The following NAV3 variants were observed in gnomAD, a reference collection of about 807,000 sequenced individuals.
NAV3 encodes neuron navigator 3.
Under a neutral mutation model 244.7 loss-of-function variants are expected in NAV3, and 87 were observed. That is an observed-to-expected ratio of 0.36 (90% confidence interval 0.30 to 0.42). The LOEUF is 0.42. NAV3 is among the 20% of genes least tolerant of loss of function. The pLI, the probability that NAV3 is intolerant of heterozygous loss-of-function variation, is 1.00. For synonymous variants in NAV3, 1,126 were observed against 1,042.2 expected, an observed-to-expected ratio of 1.08 and a Z score of -1.55; for missense variants, 2,663 against 2,893.3, an observed-to-expected ratio of 0.92 and a Z score of 1.83.
chr12:78,095,844 T>A (rs995382675), intron 12 of NAV3, among the ~76,000 whole-genome samples: 1 of 152,184 alleles, frequency 6.6e-6, no homozygotes, highest in Non-Finnish European at 1.5e-5. Context: ...CCACCCATGT[T>A]TGCACAATAG....
At chr12:77,665,811 A>G (rs948764044) in intron 2 of NAV3, among the ~76,000 whole-genome samples, 2 of 152,228 alleles carry the variant, frequency 1.3e-5, no homozygotes, top group Non-Finnish European at 2.9e-5. Context: ...CTGAATTTAT[A>G]GCTGCTGATC....
chr12:77,629,697 C>G (rs1318524746), intron 2 of NAV3, among the ~76,000 whole-genome samples: 1 of 152,154 alleles, frequency 6.6e-6, no homozygotes, highest in African/African-American at 2.4e-5. Context: ...ATATTACTCT[C>G]ATGATGTACT....
At chr12:77,859,457 A>T (rs1878873888) in intron 1 of NAV3, among the ~76,000 whole-genome samples, 1 of 152,006 alleles carries the variant, frequency 6.6e-6, no homozygotes, top group South Asian at 2.1e-4. Context: ...TATGACAGTA[A>T]TTTTTTAGGC....
intron 2 of NAV3, among the ~76,000 whole-genome samples, chr12:77,692,609 AG>A (rs1875086885): frequency 6.6e-6 from 1 of 152,142 alleles, no homozygotes; most frequent in Non-Finnish European, 1.5e-5. Flanking sequence ...TACTTAATAA[AG>A]GTGCTGAGCT....
At chr12:78,055,829 C>G (rs749112804) in intron 11 of NAV3, among the ~76,000 whole-genome samples, 23 of 152,126 alleles carry the variant, frequency 1.5e-4, no homozygotes, top group Non-Finnish European at 2.4e-4. Flanking sequence ...GCTGTGTGCC[C>G]AGGAGGAGAG....
At chr12:77,670,511 C>T (rs1342324977) in intron 2 of NAV3, among the ~76,000 whole-genome samples, 1 of 151,970 alleles carries the variant, frequency 6.6e-6, no homozygotes, top group Non-Finnish European at 1.5e-5. Flanking sequence ...CCAATATTCC[C>T]TATGAACATA....
chr12:78,198,644 A>C lies in NAV3; in HGVS notation c.6486A>C (p.Ser2162=). The part of the protein sequence containing the change: ...IIGTMNQGVS[S]SPNLELHHNF... Reference sequence around the variant, plus strand: ...GAACAATGAATCAGGGAGTTTCTTCATCACCAAATCTAGAGCTGCATCACA... The same window carrying C: ...GAACAATGAATCAGGGAGTTTCTTCCTCACCAAATCTAGAGCTGCATCACA... Residue 2162 remains serine, a synonymous_variant, in exon 36 of 40, where the codon TCA becomes TCC. Coordinates refer to ENST00000397909, the MANE Select transcript of NAV3 (RefSeq NM_001024383.2). The C allele has an allele frequency of 6.3e-7, 1 of 1,593,402 alleles. No homozygotes were observed. Among genetic ancestry groups the C allele is most frequent in the East Asian group, 2.3e-5 (1 of 43,710 alleles).
intron 1 of NAV3, among the ~76,000 whole-genome samples, chr12:77,889,295 A>T (rs1475115454): frequency 6.6e-6 from 1 of 152,188 alleles, no homozygotes; most frequent in Non-Finnish European, 1.5e-5. Context: ...GAGCTGAGAC[A>T]TCAGTCTTCT....
chr12:77,958,168 A>T (rs1354085130), intron 3 of NAV3, among the ~76,000 whole-genome samples: 1 of 152,230 alleles, frequency 6.6e-6, no homozygotes, highest in Non-Finnish European at 1.5e-5. Flanking sequence ...TTTAGCAAGT[A>T]TGTAAGGGTC....
intron 6 of NAV3, among the ~76,000 whole-genome samples, chr12:77,997,943 A>G (rs1208345115): frequency 6.6e-6 from 1 of 152,230 alleles, no homozygotes; most frequent in African/African-American, 2.4e-5. Flanking sequence ...CATTGAAAAG[A>G]ACAGCTTAAT....
At chr12:77,776,616 A>G (rs1870370701) in intron 2 of NAV3, among the ~76,000 whole-genome samples, 1 of 152,202 alleles carries the variant, frequency 6.6e-6, no homozygotes, top group African/African-American at 2.4e-5. Context: ...ACACAGTACT[A>G]TCTAGGCTCA....
At chr12:78,114,011 G>A (rs532431925) in intron 12 of NAV3, among the ~76,000 whole-genome samples, 31 of 151,986 alleles carry the variant, frequency 2.0e-4, no homozygotes, top group African/African-American at 6.8e-4. Flanking sequence ...CTAAATTATC[G>A]CTCTCAAGTT....
intron 2 of NAV3, among the ~76,000 whole-genome samples, chr12:77,709,707 A>G (rs1037777312): frequency 1.3e-5 from 2 of 152,202 alleles, no homozygotes; most frequent in African/African-American, 4.8e-5. Context: ...TCTGGCAAAC[A>G]GCTTTTGGAT....
intron 2 of NAV3, among the ~76,000 whole-genome samples, chr12:77,824,241 A>ATTTTT (rs61710960): frequency 2.6e-4 from 27 of 104,898 alleles, no homozygotes; most frequent in Non-Finnish European, 2.9e-4. Context: ...GCCCAACTAA[A>ATTTTT]TTTTTTTTTT....
intron 2 of NAV3, among the ~76,000 whole-genome samples, chr12:77,712,228 G>T (rs889038707): frequency 1.3e-5 from 2 of 152,138 alleles, no homozygotes; most frequent in African/African-American, 4.8e-5. Flanking sequence ...AAATTAAGGG[G>T]AAGCAGAGAG....
chr12:77,899,114 G>A (rs1884967726), intron 1 of NAV3, among the ~76,000 whole-genome samples: 1 of 152,194 alleles, frequency 6.6e-6, no homozygotes, highest in Non-Finnish European at 1.5e-5. Context: ...TCTTATGGAG[G>A]AACAAAGAAA....
chr12:77,694,629 A>C (rs1302056767), intron 2 of NAV3, among the ~76,000 whole-genome samples: 1 of 152,198 alleles, frequency 6.6e-6, no homozygotes, highest in Non-Finnish European at 1.5e-5. Flanking sequence ...TCCTTGAGTT[A>C]TCTCCAGTCT....
At chr12:78,197,502 A>AT (rs1464865871) in intron 35 of NAV3, 101 bp downstream of exon 35, 1 of 817,334 alleles carries the variant, frequency 1.2e-6, no homozygotes, top group East Asian at 2.9e-5. Flanking sequence ...TTAATATTTA[A>AT]TTTTTATTTT....
intron 3 of NAV3, among the ~76,000 whole-genome samples, chr12:77,948,367 G>A (rs1308235269): frequency 6.6e-6 from 1 of 151,812 alleles, no homozygotes; most frequent in Admixed American, 6.6e-5. Flanking sequence ...CTTTGCTTTT[G>A]AAGAGAAGAA....
Sources: allele counts gnomAD v4.1 joint callset (sites outside exome capture counted in the v4.1 genomes callset), GRCh38; gene constraint gnomAD v4.1.1; transcripts MANE v1.5; gene names NCBI Gene and HGNC (gene_info 2026-07-23, HGNC 2026-07-21).